Variants in EFHD2 observed in about 807,000 individuals in gnomAD.
EFHD2 encodes the protein EF-hand domain family member D2, also known as EF-hand domain-containing protein D2.
Under a neutral mutation model 20.3 loss-of-function variants are expected in EFHD2, and 12 were observed. That is an observed-to-expected ratio of 0.59 (90% CI 0.38 to 0.96). EFHD2 has a LOEUF of 0.96. Among genes scored for constraint, EFHD2 ranks in the 40% least tolerant of loss-of-function variants. EFHD2 has a pLI of 0.00. For missense variants in EFHD2, 250 were observed against 334.3 expected (o/e 0.75, Z 1.97); for synonymous variants, 131 against 143.9 (o/e 0.91, Z 0.64).
Position 15,410,289 on chromosome 1 carries a change from C to G in EFHD2, c.308+10C>G. On this transcript the variant is annotated intron_variant, in intron 1 of 3. Transcript: ENST00000375980. ...AGAAGATGTTCAAGCAGTAAGTGCC[C>G]GCGCGACCCGGCCCCCCGCCCGCCC... 1 of 1,585,332 alleles carries G rather than the reference C, an allele frequency of 6.3e-7. No homozygotes were observed. Among genetic ancestry groups the G allele is most frequent in the Non-Finnish European group, 8.6e-7 (1 of 1,168,320 alleles).
At chr1:15,425,768 G>A in intron 1 of EFHD2, 103 bp from the exon 2 acceptor site, 1 of 1,490,456 alleles carries the variant, frequency 6.7e-7, no homozygotes, top group East Asian at 2.5e-5. Context: ...GGATTTTATG[G>A]TTGGTAGGAG....
At chr1:15,425,178 G>A (rs1707852539) in intron 1 of EFHD2, among the ~76,000 whole-genome samples, 2 of 152,174 alleles carry the variant, frequency 1.3e-5, no homozygotes, top group South Asian at 4.1e-4. Flanking sequence ...TGGTCATGGA[G>A]GTGGTGAGTG....
chr1:15,421,683 C>T (rs963993224), intron 1 of EFHD2, among the ~76,000 whole-genome samples: 2 of 152,138 alleles, frequency 1.3e-5, no homozygotes, highest in African/African-American at 4.8e-5. Flanking sequence ...CTGAGCTGCC[C>T]CTGGCTGCAG....
At chr1:15,425,473 C>T (rs372054506) in intron 1 of EFHD2, among the ~76,000 whole-genome samples, 3 of 151,380 alleles carry the variant, frequency 2.0e-5, no homozygotes, top group Admixed American at 6.6e-5. Flanking sequence ...TGCAGCGAGC[C>T]GAGATTGAGC....
chr1:15,428,579 C>G lies in EFHD2; in HGVS notation c.592-14C>G, dbSNP rs376321286. The stretch of plus-strand genomic sequence containing the variant: ...CCATCCAGCCCTGACCCCCTCACCC[C>G]CATGCCCCCGCAGGTCCAGGCCATC... On this transcript the variant is annotated splice_polypyrimidine_tract_variant and intron_variant, in intron 3 of 3. Coordinates refer to ENST00000375980, the MANE Select transcript of EFHD2 (RefSeq NM_024329.6). 88 of 1,609,714 alleles carry G rather than the reference C, an allele frequency of 5.5e-5. No individual in the cohort carries two copies. Among genetic ancestry groups the G allele is most frequent in the Middle Eastern group, 1.8e-4 (1 of 5,502 alleles).
At chr1:15,411,275 C>G (rs1707504612) in intron 1 of EFHD2, among the ~76,000 whole-genome samples, 1 of 151,786 alleles carries the variant, frequency 6.6e-6, no homozygotes, top group Non-Finnish European at 1.5e-5. Context: ...TCCTATGTGA[C>G]TTGCCCTGTT....
At chr1:15,427,490 G>T (rs1346070529) in intron 3 of EFHD2, among the ~76,000 whole-genome samples, 3 of 152,244 alleles carry the variant, frequency 2.0e-5, no homozygotes, top group African/African-American at 7.2e-5. Context: ...CGCCAAGGGG[G>T]TGGGTGAGGG....
intron 2 of EFHD2, 148 bp from the exon 3 acceptor site, chr1:15,427,002 G>A (rs967326370): frequency 2.2e-5 from 24 of 1,077,706 alleles, no homozygotes; most frequent in South Asian, 1.6e-4. Flanking sequence ...AGGGGCTCAC[G>A]GGAGCAGCAA....
intron 3 of EFHD2, chr1:15,427,760 C>G: frequency 7.9e-6 from 3 of 378,116 alleles, no homozygotes; most frequent in South Asian, 6.1e-5. Flanking sequence ...TCTAGTGGCT[C>G]CTGGGTCCTG....
At chr1:15,422,972 G>A (rs1025152691) in intron 1 of EFHD2, among the ~76,000 whole-genome samples, 7 of 152,036 alleles carry the variant, frequency 4.6e-5, no homozygotes, top group Admixed American at 3.3e-4. Context: ...GTCAGAAAGC[G>A]GCAGGGCTTT....
intron 1 of EFHD2, among the ~76,000 whole-genome samples, chr1:15,421,552 G>T (rs904830767): frequency 3.9e-5 from 6 of 152,140 alleles, no homozygotes; most frequent in Non-Finnish European, 8.8e-5. Context: ...TGATAGAGGC[G>T]GCCGTTCAAA....
chr1:15,411,167 G>A (rs537773630), intron 1 of EFHD2, among the ~76,000 whole-genome samples: 2 of 137,470 alleles, frequency 1.5e-5, no homozygotes, highest in Admixed American at 8.3e-5. Context: ...TGCTTCTGTC[G>A]CAAGGCCCCC....
intron 1 of EFHD2, among the ~76,000 whole-genome samples, chr1:15,418,299 CT>C (rs764390342): frequency 1.3e-3 from 97 of 76,890 alleles, no homozygotes; most frequent in African/African-American, 3.6e-3. Context: ...CGAGGAGCAA[CT>C]TTTTTTTTTT....
chr1:15,418,557 G>A (rs558678117), intron 1 of EFHD2, among the ~76,000 whole-genome samples: 28 of 152,096 alleles, frequency 1.8e-4, no homozygotes, highest in Non-Finnish European at 2.6e-4. Context: ...CGCCCGCCTT[G>A]GCCTCCCAAA....
chr1:15,418,644 C>G (rs556075476), intron 1 of EFHD2, among the ~76,000 whole-genome samples: 45 of 152,310 alleles, frequency 3.0e-4, no homozygotes, highest in African/African-American at 9.4e-4. Flanking sequence ...TAGGCCCCCC[C>G]TTAAGTAAGC....
chr1:15,428,472 G>A (rs554141494), intron 3 of EFHD2, 121 bp from the exon 4 acceptor site: 1 of 1,299,570 alleles, frequency 7.7e-7, no homozygotes, highest in Admixed American at 2.8e-5. Context: ...ACTCCAGCCT[G>A]GGCGACAGAG....
chr1:15,428,847 C>G lies in EFHD2; in HGVS notation c.*123C>G. 7.0e-7 allele frequency: 1 copy of G among 1,421,492 alleles called. No individual in the cohort carries two copies. The highest frequency in any genetic ancestry group is 9.5e-7 in the Non-Finnish European group (1 of 1,048,550). The allele number at this position is 1,421,492 out of a possible 1,614,324, so 88.1% of individuals were successfully genotyped here. Reference sequence around the variant, plus strand: ...ACCACTACTAAAAACCTAAAAATATCTGTGAATGGAGCAAGTTCAGGGGTC... The same window carrying G: ...ACCACTACTAAAAACCTAAAAATATGTGTGAATGGAGCAAGTTCAGGGGTC... On this transcript the variant is annotated 3_prime_UTR_variant, in exon 4 of 4. Coordinates refer to ENST00000375980, the MANE Select transcript of EFHD2 (RefSeq NM_024329.6).
chr1:15,415,926 A>T (rs896234718), intron 1 of EFHD2, among the ~76,000 whole-genome samples: 6 of 152,168 alleles, frequency 3.9e-5, no homozygotes, highest in African/African-American at 1.4e-4. Context: ...CTGGAGGCCA[A>T]GTGAAGCCGT....
chr1:15,410,524 C>A (rs1707465159), intron 1 of EFHD2, among the ~76,000 whole-genome samples: 1 of 152,126 alleles, frequency 6.6e-6, no homozygotes, highest in East Asian at 1.9e-4. Flanking sequence ...ATTTGTGCTG[C>A]CTCCGGTACA....
Sources: allele counts gnomAD v4.1 joint callset (sites outside exome capture counted in the v4.1 genomes callset), GRCh38; gene constraint gnomAD v4.1.1; transcripts MANE v1.5; gene names NCBI Gene and HGNC (gene_info 2026-07-23, HGNC 2026-07-21).